Variants in LRRC4C observed in about 807,000 individuals in gnomAD.
LRRC4C encodes leucine rich repeat containing 4C.
In LRRC4C, 5 loss-of-function variants were observed where a neutral mutation model predicts 33.6. That is an observed-to-expected ratio of 0.15 (90% CI 0.08 to 0.31). The LOEUF (loss-of-function observed/expected upper bound fraction) is 0.31. LRRC4C is among the 10% of genes least tolerant of loss of function. The pLI is 1.00. For synonymous variants in LRRC4C, 329 were observed against 302.0 expected (o/e 1.09, Z -0.93); for missense variants, 560 against 796.7 (o/e 0.70, Z 3.58).
intron 1 of LRRC4C, among the ~76,000 whole-genome samples, chr11:41,052,606 A>ATTATAGAAAAAAATC (rs1303006466): frequency 6.6e-6 from 1 of 151,386 alleles, no homozygotes; most frequent in African/African-American, 2.5e-5. Flanking sequence ...ATCTTAATTT[A>ATTATAGAAAAAAATC]TTATAGAAAA....
At chr11:40,300,497 AC>A (rs1944720144) in intron 4 of LRRC4C, among the ~76,000 whole-genome samples, 1 of 152,236 alleles carries the variant, frequency 6.6e-6, no homozygotes, top group Admixed American at 6.5e-5. Context: ...GAAGTGATCA[AC>A]TATTAGATGC....
intron 1 of LRRC4C, among the ~76,000 whole-genome samples, chr11:41,244,416 A>C (rs7101884): frequency 0.38 from 58,319 of 152,028 alleles, 12,192 homozygotes; most frequent in East Asian, 0.52. Flanking sequence ...CTAAAAATTT[A>C]GCAAGTGACA....
chr11:40,589,374 T>C (rs1023674453), intron 3 of LRRC4C, among the ~76,000 whole-genome samples: 10 of 152,286 alleles, frequency 6.6e-5, no homozygotes, highest in African/African-American at 1.9e-4. Flanking sequence ...TGTGTGTCTC[T>C]GCACGTGAGA....
chr11:40,440,562 G>A (rs898749608), intron 3 of LRRC4C, among the ~76,000 whole-genome samples: 2 of 151,990 alleles, frequency 1.3e-5, no homozygotes, highest in Admixed American at 1.3e-4. Context: ...TTGAAAGGCA[G>A]GAAAGAATTT....
chr11:40,489,763 C>G (rs1022877380), intron 3 of LRRC4C, among the ~76,000 whole-genome samples: 1 of 152,084 alleles, frequency 6.6e-6, no homozygotes, highest in African/African-American at 2.4e-5. Flanking sequence ...CTCCCATTTA[C>G]TATTCTATTA....
intron 1 of LRRC4C, among the ~76,000 whole-genome samples, chr11:41,221,234 G>C (rs988924702): frequency 6.6e-6 from 1 of 151,402 alleles, no homozygotes; most frequent in African/African-American, 2.4e-5. Flanking sequence ...AGTGGGCAAA[G>C]GACATGAACA....
intron 3 of LRRC4C, among the ~76,000 whole-genome samples, chr11:40,328,017 A>G (rs1430493887): frequency 6.6e-6 from 1 of 152,128 alleles, no homozygotes; most frequent in Non-Finnish European, 1.5e-5. Flanking sequence ...ATGTTAACAA[A>G]TATGTACCAC....
At chr11:41,417,265 G>A (rs1039139144) in intron 1 of LRRC4C, among the ~76,000 whole-genome samples, 2 of 152,070 alleles carry the variant, frequency 1.3e-5, no homozygotes, top group Admixed American at 1.3e-4. Flanking sequence ...AGGATACTAG[G>A]AGAAGTTGTA....
chr11:41,224,073 GT>G (rs761940359), intron 1 of LRRC4C, among the ~76,000 whole-genome samples: 224 of 152,186 alleles, frequency 1.5e-3, no homozygotes, highest in Admixed American at 3.4e-3. Context: ...TAGCTGCCTG[GT>G]TTTTTGTCCT....
At chr11:40,456,312 T>A (rs1411590394) in intron 3 of LRRC4C, among the ~76,000 whole-genome samples, 2 of 152,164 alleles carry the variant, frequency 1.3e-5, no homozygotes, top group Admixed American at 1.3e-4. Context: ...AATGCCACAA[T>A]GCTATCTAAA....
chr11:41,291,109 T>C (rs1391544096), intron 1 of LRRC4C, among the ~76,000 whole-genome samples: 1 of 152,236 alleles, frequency 6.6e-6, no homozygotes, highest in Non-Finnish European at 1.5e-5. Flanking sequence ...AAATAAATTA[T>C]ACTGATAACA....
intron 1 of LRRC4C, among the ~76,000 whole-genome samples, chr11:41,067,396 G>C (rs546431525): frequency 2.1e-4 from 32 of 152,264 alleles, no homozygotes; most frequent in African/African-American, 7.7e-4. Flanking sequence ...ACTCAATACA[G>C]GAGCACCCAG....
intron 2 of LRRC4C, among the ~76,000 whole-genome samples, chr11:40,708,893 T>C (rs1327020654): frequency 6.6e-6 from 1 of 152,188 alleles, no homozygotes; most frequent in East Asian, 1.9e-4. Context: ...TGGGTGCTCC[T>C]GTATTATTGG....
At chr11:41,180,833 C>A (rs980581297) in intron 1 of LRRC4C, among the ~76,000 whole-genome samples, 5 of 151,776 alleles carry the variant, frequency 3.3e-5, no homozygotes, top group Non-Finnish European at 5.9e-5. Context: ...ATCGAAAAAT[C>A]CCTGCCGCAG....
intron 2 of LRRC4C, among the ~76,000 whole-genome samples, chr11:40,838,956 ATAATGAATTG>A (rs953211457): frequency 5.3e-5 from 8 of 152,184 alleles, no homozygotes; most frequent in Non-Finnish European, 1.0e-4. Flanking sequence ...TTTAAGAATG[ATAATGAATTG>A]TAATAGGACC....
intron 3 of LRRC4C, among the ~76,000 whole-genome samples, chr11:40,619,993 A>G (rs1962287825): frequency 6.6e-6 from 1 of 151,138 alleles, no homozygotes; most frequent in Non-Finnish European, 1.5e-5. Context: ...AACAAATGCA[A>G]AAGTTCATTA....
chr11:40,938,790 A>G (rs1958017455), intron 1 of LRRC4C, among the ~76,000 whole-genome samples: 1 of 152,100 alleles, frequency 6.6e-6, no homozygotes, highest in African/African-American at 2.4e-5. Flanking sequence ...CCTTAAATGA[A>G]GGGAATTATT....
intron 2 of LRRC4C, among the ~76,000 whole-genome samples, chr11:40,750,154 G>A (rs1948610096): frequency 6.6e-6 from 1 of 152,038 alleles, no homozygotes; most frequent in Non-Finnish European, 1.5e-5. Flanking sequence ...CCCAGGAGGT[G>A]GAGATTGTGG....
At chr11:40,471,217 TAGA>T (rs1261470298) in intron 3 of LRRC4C, among the ~76,000 whole-genome samples, 3 of 152,138 alleles carry the variant, frequency 2.0e-5, no homozygotes, top group African/African-American at 7.2e-5. Context: ...CAGAATACGG[TAGA>T]GGACAATATT....
Sources: gnomAD v4.1 joint callset for allele counts (sites outside exome capture counted in the v4.1 genomes callset) on GRCh38, gnomAD v4.1.1 for gene constraint, MANE v1.5 for transcripts, NCBI Gene and HGNC (gene_info 2026-07-23, HGNC 2026-07-21) for gene names.